The following ZFYVE9 variants were observed in gnomAD, a reference collection of about 807,000 sequenced individuals.
ZFYVE9 encodes the protein zinc finger FYVE-type containing 9, also known as zinc finger FYVE domain-containing protein 9.
A neutral mutation model predicts 126.7 loss-of-function variants in ZFYVE9; 43 were observed. The ratio of observed to expected loss-of-function variants is 0.34; its 90% CI spans 0.27 to 0.44. The LOEUF is 0.44. Among genes scored for constraint, ZFYVE9 ranks in the 20% least tolerant of loss-of-function variants. The pLI, the probability that ZFYVE9 is intolerant of heterozygous loss-of-function variation, is 1.00. For synonymous variants in ZFYVE9, 521 were observed against 597.4 expected, an observed-to-expected ratio of 0.87 and a Z score of 1.87; for missense variants, 1,476 against 1,697.0, an observed-to-expected ratio of 0.87 and a Z score of 2.29.
intron 1 of ZFYVE9, among the ~76,000 whole-genome samples, chr1:52,178,050 C>T (rs1036159896): frequency 5.3e-5 from 8 of 150,416 alleles, no homozygotes; most frequent in Non-Finnish European, 8.9e-5. Flanking sequence ...GAGGCCGAGG[C>T]GGGTAGATCA....
chr1:52,228,160 C>T (rs1331169668), intron 2 of ZFYVE9, among the ~76,000 whole-genome samples: 1 of 152,096 alleles, frequency 6.6e-6, no homozygotes, highest in African/African-American at 2.4e-5. Context: ...CCCACTGCAA[C>T]CTCCGTCTCC....
Position 52,298,063 on chromosome 1 carries a change from A to T in ZFYVE9, c.3333+2086A>T, listed in dbSNP as rs75785296. Reference sequence around the variant, plus strand: ...ATTCTGGATATTAACTCCTTTTCAGATGTATGGTTTGCAGATATTTTCCAT... The same window carrying T: ...ATTCTGGATATTAACTCCTTTTCAGTTGTATGGTTTGCAGATATTTTCCAT... On this transcript the variant is annotated intron_variant, in intron 12 of 18. Transcript: ENST00000287727. 1.4e-3 allele frequency among the ~76,000 whole-genome samples: 216 copies of T among 152,000 alleles called. 2 individuals are homozygous for T. The highest frequency in any genetic ancestry group is 4.1e-3 in the African/African-American group (168 of 41,454).
intron 17 of ZFYVE9, 101 bp from the exon 18 acceptor site, chr1:52,344,667 T>A (rs1198685957): frequency 1.5e-6 from 2 of 1,295,696 alleles, no homozygotes; most frequent in Non-Finnish European, 2.2e-6. Context: ...TCATGTCTTC[T>A]TGCACATCTT....
intron 10 of ZFYVE9, among the ~76,000 whole-genome samples, chr1:52,284,697 G>A (rs1645841304): frequency 6.6e-6 from 1 of 152,174 alleles, no homozygotes; most frequent in Admixed American, 6.5e-5. Context: ...GGGATTACAG[G>A]CGTGAGCCAC....
At position 52,164,638 on chromosome 1, in the gene ZFYVE9, G is replaced by GTCCGTCCA. The variant is rs1198771493; in HGVS notation, c.-143+22247_-143+22254dup. On this transcript the variant is annotated intron_variant, in intron 1 of 18. Transcript: ENST00000287727. ...TGACAATGAGTATATATCTTTGTCCGTCCGTCCATCCGTCCATCCATCCAT... is the reference window on the plus strand; with the variant it reads ...TGACAATGAGTATATATCTTTGTCCGTCCGTCCATCCGTCCATCCGTCCATCCATCCAT... 3.3e-5 allele frequency among the ~76,000 whole-genome samples: 5 copies of GTCCGTCCA among 151,736 alleles called. No individual in the cohort carries two copies. The East Asian group carries it at 9.7e-4, about 29-fold the overall frequency.
At chr1:52,214,520 T>C (rs1645054805) in intron 1 of ZFYVE9, among the ~76,000 whole-genome samples, 1 of 152,082 alleles carries the variant, frequency 6.6e-6, no homozygotes. Context: ...TTCAGCTACT[T>C]AGGGGAATGT....
intron 2 of ZFYVE9, among the ~76,000 whole-genome samples, chr1:52,220,904 T>C (rs778866420): frequency 6.6e-6 from 1 of 152,224 alleles, no homozygotes; most frequent in African/African-American, 2.4e-5. Flanking sequence ...GTTATTTCCC[T>C]GGCTTTCAAA....
intron 2 of ZFYVE9, among the ~76,000 whole-genome samples, chr1:52,232,728 CAA>C (rs552213191): frequency 3.7e-4 from 10 of 27,340 alleles, no homozygotes; most frequent in African/African-American, 6.2e-4. Context: ...GACTCTGTCT[CAA>C]AAAAAAAAAA....
intron 1 of ZFYVE9, among the ~76,000 whole-genome samples, chr1:52,175,579 G>C (rs1644618506): frequency 6.6e-6 from 1 of 150,848 alleles, no homozygotes; most frequent in Non-Finnish European, 1.5e-5. Context: ...AAGTTCTCCT[G>C]GATAATATCC....
intron 7 of ZFYVE9, among the ~76,000 whole-genome samples, chr1:52,270,510 C>T (rs1416927471): frequency 2.6e-5 from 4 of 152,178 alleles, no homozygotes; most frequent in Non-Finnish European, 5.9e-5. Flanking sequence ...CTGATCTGCC[C>T]TCCTTGGCCT....
At chr1:52,305,478 T>C (rs901514404) in intron 13 of ZFYVE9, among the ~76,000 whole-genome samples, 2 of 152,206 alleles carry the variant, frequency 1.3e-5, no homozygotes, top group Non-Finnish European at 2.9e-5. Context: ...GAGCGTTTGC[T>C]GTCCAGGAAA....
chr1:52,275,718 C>G (rs750865819), intron 8 of ZFYVE9, among the ~76,000 whole-genome samples: 1 of 152,128 alleles, frequency 6.6e-6, no homozygotes, highest in Admixed American at 6.6e-5. Flanking sequence ...TAATTAACCT[C>G]TCCTGAACTT....
In ZFYVE9 at chr1:52,268,551, G is replaced by T. The variant is rs1464180005; in HGVS notation, c.2544G>T (p.Met848Ile). ...GEVADAAKLT[M>I]NGTSSAGTLA... ...TTGCTGATGCAGCCAAATTAACAAT[G>T]AATGGAACTTCCTCTGCAGGAACCC... Residue 848 changes from methionine (M) to isoleucine (I), a missense_variant, in exon 7 of 19, where the codon ATG becomes ATT. Met to Ile is a conservative substitution (Grantham distance 10). Transcript: ENST00000287727. The T allele has an allele frequency of 1.2e-6, 2 of 1,614,194 alleles. No individual in the cohort carries two copies. Among genetic ancestry groups the T allele is most frequent in the Non-Finnish European group, 1.7e-6 (2 of 1,180,032 alleles).
At position 52,239,096 on chromosome 1, in the gene ZFYVE9, A is replaced by G; in HGVS notation, c.1679A>G (p.Gln560Arg). 6.2e-7 allele frequency: 1 copy of G among 1,614,112 alleles called. No homozygotes were observed. The highest frequency in any genetic ancestry group is 1.1e-5 in the South Asian group (1 of 91,082). Reference sequence around the variant, plus strand: ...AGTCAAGTTCCATCAGTGCTTGGGCAATCTTCCCCCAAGGTAGTAGCAAGC... The same window carrying G: ...AGTCAAGTTCCATCAGTGCTTGGGCGATCTTCCCCCAAGGTAGTAGCAAGC... ...FCSQVPSVLG[Q>R]SSPKVVASLP... The change falls in exon 4 of 19, where the codon CAA becomes CGA. Residue 560 changes from glutamine to arginine, a missense_variant. Gln to Arg is a conservative substitution (Grantham distance 43). Transcript: ENST00000287727.
intron 4 of ZFYVE9, among the ~76,000 whole-genome samples, chr1:52,246,128 C>T (rs1017247162): frequency 1.3e-5 from 2 of 152,050 alleles, no homozygotes; most frequent in African/African-American, 4.8e-5. Flanking sequence ...AGGATTTCAC[C>T]GTGTTGCCTG....
intron 12 of ZFYVE9, among the ~76,000 whole-genome samples, chr1:52,302,738 G>A (rs1365605738): frequency 6.6e-6 from 1 of 151,066 alleles, no homozygotes; most frequent in East Asian, 1.9e-4. Flanking sequence ...TTAACAGAGC[G>A]AGACTCTGTC....
intron 2 of ZFYVE9, among the ~76,000 whole-genome samples, chr1:52,228,242 C>T (rs1277148302): frequency 6.6e-6 from 1 of 152,016 alleles, no homozygotes; most frequent in African/African-American, 2.4e-5. Context: ...CCACACCCAG[C>T]GAATTTTTAA....
At chr1:52,272,864 A>G (rs540907236) in intron 7 of ZFYVE9, among the ~76,000 whole-genome samples, 4 of 151,594 alleles carry the variant, frequency 2.6e-5, no homozygotes, top group Admixed American at 2.0e-4. Context: ...ATTTCACCAT[A>G]TTGGCCAGGC....
chr1:52,185,180 C>G (rs375312048), intron 1 of ZFYVE9, among the ~76,000 whole-genome samples: 24 of 152,240 alleles, frequency 1.6e-4, no homozygotes, highest in Non-Finnish European at 3.1e-4. Flanking sequence ...TTAATACCTA[C>G]TAGTTCAGCT....
Sources: allele counts gnomAD v4.1 joint callset (sites outside exome capture counted in the v4.1 genomes callset), GRCh38; gene constraint gnomAD v4.1.1; transcripts MANE v1.5; gene names NCBI Gene and HGNC (gene_info 2026-07-23, HGNC 2026-07-21).